The following CPEB1 variants were observed in gnomAD, a reference collection of about 807,000 sequenced individuals.
CPEB1 encodes the protein cytoplasmic polyadenylation element binding protein 1, also known as cytoplasmic polyadenylation element-binding protein 1.
In CPEB1, 7 loss-of-function variants were observed where a neutral mutation model predicts 65.8. The observed-to-expected ratio is 0.11, with a 90% CI of 0.06 to 0.20. The LOEUF is 0.20. Among genes scored for constraint, CPEB1 ranks in the 10% least tolerant of loss-of-function variants. The probability of loss-of-function intolerance (pLI) is 1.00; values close to 1 mark genes in which losing one functional copy is unlikely to be tolerated. For missense variants in CPEB1, 551 were observed against 712.2 expected, an observed-to-expected ratio of 0.77 and a Z score of 2.58; for synonymous variants, 262 against 260.0, an observed-to-expected ratio of 1.01 and a Z score of -0.08.
chr15:82,640,357 T>C (rs7171180), intron 1 of CPEB1, among the ~76,000 whole-genome samples: 104,170 of 152,060 alleles, frequency 0.69, 36,543 homozygotes, highest in African/African-American at 0.84. Context: ...TTTATACTCA[T>C]ATGTGCTCAT....
chr15:82,601,717 A>G (rs1215752613), intron 3 of CPEB1, among the ~76,000 whole-genome samples: 1 of 152,234 alleles, frequency 6.6e-6, no homozygotes, highest in African/African-American at 2.4e-5. Flanking sequence ...CAAGCACCAA[A>G]AATGCTGTTG....
rs1429319512 is a variant in CPEB1 at position 82,544,711 on chromosome 15, G to A, written c.1657-9C>T. 2.5e-6 allele frequency: 4 copies of A among 1,608,262 alleles called. No individual in the cohort carries two copies. Among genetic ancestry groups the A allele is most frequent in the South Asian group, 2.2e-5 (2 of 90,542 alleles). On this transcript the variant is annotated splice_polypyrimidine_tract_variant and intron_variant, in intron 12 of 12. Transcript: ENST00000684509. ...AAGTATTTGAAGCAGACCTGGGTTG[G>A]GGGAACAAAAAGGAGGATGCCATGC...
intron 1 of CPEB1, among the ~76,000 whole-genome samples, chr15:82,643,673 A>C (rs1052626990): frequency 1.3e-5 from 2 of 151,726 alleles, no homozygotes; most frequent in African/African-American, 4.8e-5. Flanking sequence ...AAAAATGTAC[A>C]TACCCCTTTA....
intron 1 of CPEB1, chr15:82,628,980 A>AGT (rs1773867641): frequency 6.3e-6 from 1 of 158,600 alleles, no homozygotes; most frequent in African/African-American, 2.4e-5. Context: ...GTTTTGGGGG[A>AGT]GTCAAAGTTA....
intron 12 of CPEB1, 124 bp downstream of exon 12, chr15:82,546,317 C>G: frequency 1.1e-5 from 8 of 725,534 alleles, no homozygotes; most frequent in Admixed American, 2.2e-5. Context: ...ACCATGTTGG[C>G]CAGGCTGGTC....
chr15:82,586,378 CT>C (rs1411910000), intron 3 of CPEB1, among the ~76,000 whole-genome samples: 1 of 152,002 alleles, frequency 6.6e-6, no homozygotes, highest in Non-Finnish European at 1.5e-5. Context: ...GAGAAATACC[CT>C]AAAAGAAAGA....
intron 4 of CPEB1, among the ~76,000 whole-genome samples, chr15:82,559,572 T>C (rs575696053): frequency 3.3e-5 from 5 of 152,196 alleles, no homozygotes; most frequent in Non-Finnish European, 5.9e-5. Context: ...CTAGCCAGTC[T>C]AATATGTATG....
intron 4 of CPEB1, among the ~76,000 whole-genome samples, chr15:82,561,863 C>T (rs1030341747): frequency 6.6e-6 from 1 of 152,232 alleles, no homozygotes; most frequent in Non-Finnish European, 1.5e-5. Context: ...ACGCTGGTCA[C>T]TAACGAACTC....
chr15:82,613,866 T>TC (rs2044422929), intron 3 of CPEB1, among the ~76,000 whole-genome samples: 1 of 148,562 alleles, frequency 6.7e-6, no homozygotes, highest in East Asian at 2.0e-4. Flanking sequence ...CCCGCCCCGC[T>TC]CCCCCCTCAA....
At chr15:82,646,674 C>T (rs2047566903) in intron 1 of CPEB1, among the ~76,000 whole-genome samples, 1 of 152,102 alleles carries the variant, frequency 6.6e-6, no homozygotes, top group Admixed American at 6.5e-5. Flanking sequence ...GTCACGGGGT[C>T]AACGCGGGGC....
chr15:82,631,980 C>CTTT (rs2046287527), intron 1 of CPEB1, among the ~76,000 whole-genome samples: 2 of 95,310 alleles, frequency 2.1e-5, no homozygotes. Flanking sequence ...TTATTTTTTT[C>CTTT]TCTTTTTTTT....
intron 3 of CPEB1, among the ~76,000 whole-genome samples, chr15:82,618,020 T>C (rs2044915876): frequency 6.6e-6 from 1 of 152,156 alleles, no homozygotes; most frequent in Non-Finnish European, 1.5e-5. Flanking sequence ...GGTAAAGTTT[T>C]TAATTTTATT....
At position 82,571,531 on chromosome 15, in the gene CPEB1, G is replaced by A. The variant is rs767967771; in HGVS notation, c.273C>T (p.Asp91=). 1.2e-5 allele frequency: 19 copies of A among 1,613,200 alleles called. No individual in the cohort carries two copies. The highest frequency in any genetic ancestry group is 1.5e-5 in the Non-Finnish European group (18 of 1,179,476). Reference sequence around the variant, plus strand: ...TAACTGTTTCTTCAGAGTCCTGGAAGTCTGTTTTGGAAAGGAGCACAGCAG... The same window carrying A: ...TAACTGTTTCTTCAGAGTCCTGGAAATCTGTTTTGGAAAGGAGCACAGCAG... ...INRGIHDHLP[D]FQDSEETVTS... is the part of the protein sequence containing the mutation. Residue 91 remains aspartate, a splice_region_variant and synonymous_variant, in exon 4 of 13, where the codon GAC becomes GAT. Coordinates refer to ENST00000684509, the MANE Select transcript of CPEB1 (RefSeq NM_001365242.1).
chr15:82,644,032 G>A (rs587649590), intron 1 of CPEB1, among the ~76,000 whole-genome samples: 3 of 152,306 alleles, frequency 2.0e-5, no homozygotes, highest in African/African-American at 7.2e-5. Flanking sequence ...AGCCTTTTGT[G>A]CAGAGGGTTG....
chr15:82,617,113 C>A (rs1434301171), intron 3 of CPEB1, among the ~76,000 whole-genome samples: 1 of 152,242 alleles, frequency 6.6e-6, no homozygotes, highest in African/African-American at 2.4e-5. Context: ...CCTGCTGTCA[C>A]TGGAGGTTAG....
At chr15:82,546,573 C>T (rs1024479915) in intron 11 of CPEB1, 52 bp from the exon 12 acceptor site, 9 of 1,323,646 alleles carry the variant, frequency 6.8e-6, no homozygotes, top group African/African-American at 5.8e-5. Context: ...CCAGGAGGCT[C>T]GATAGGCGAT....
At chr15:82,610,996 A>AAAAAAAAAAAAC (rs2044102362) in intron 3 of CPEB1, among the ~76,000 whole-genome samples, 1 of 149,520 alleles carries the variant, frequency 6.7e-6, no homozygotes, top group Non-Finnish European at 1.5e-5. Context: ...AAAGAAAAAA[A>AAAAAAAAAAAAC]GAAAAAAAAA....
At chr15:82,569,966 A>G (rs555058709) in intron 4 of CPEB1, among the ~76,000 whole-genome samples, 1 of 152,282 alleles carries the variant, frequency 6.6e-6, no homozygotes, top group African/African-American at 2.4e-5. Context: ...TAGAATACCA[A>G]ACAGTGATAC....
upstream of CPEB1, chr15:82,647,650 A>C: frequency 2.8e-6 from 1 of 357,714 alleles, no homozygotes; most frequent in Non-Finnish European, 4.9e-6. Context: ...AAAGGCCCTG[A>C]GTCACGAGGA....
Sources: allele counts gnomAD v4.1 joint callset (sites outside exome capture counted in the v4.1 genomes callset), GRCh38; gene constraint gnomAD v4.1.1; transcripts MANE v1.5; gene names NCBI Gene and HGNC (gene_info 2026-07-23, HGNC 2026-07-21).